ZNF385D: variants seen among roughly 807,000 people sequenced by gnomAD.
ZNF385D encodes the protein zinc finger protein 385D, also known as zinc finger protein 659.
Under a neutral mutation model 35.8 loss-of-function variants are expected in ZNF385D, and 15 were observed. The ratio of observed to expected loss-of-function variants is 0.42; its 90% CI spans 0.28 to 0.64. ZNF385D has a LOEUF of 0.64. Among genes scored for constraint, ZNF385D ranks in the 30% least tolerant of loss-of-function variants. The pLI, the probability that ZNF385D is intolerant of heterozygous loss-of-function variation, is 0.23. For missense variants in ZNF385D, 474 were observed against 494.6 expected (o/e 0.96, Z 0.39); for synonymous variants, 212 against 186.8 (o/e 1.13, Z -1.10).
intron 3 of ZNF385D, among the ~76,000 whole-genome samples, chr3:21,881,680 C>G (rs1575829816): frequency 1.3e-5 from 2 of 152,024 alleles, no homozygotes; most frequent in East Asian, 1.9e-4. Context: ...TTTCACAAGG[C>G]TATAGTTGCC....
intron 2 of ZNF385D, among the ~76,000 whole-genome samples, chr3:21,583,902 T>C (rs2063735777): frequency 6.6e-6 from 1 of 150,748 alleles, no homozygotes; most frequent in Admixed American, 6.6e-5. Context: ...CTTCTTCAGT[T>C]TCCAATTCTC....
chr3:21,716,076 C>G (rs1032347901), intron 1 of ZNF385D, among the ~76,000 whole-genome samples: 1 of 152,122 alleles, frequency 6.6e-6, no homozygotes, highest in Non-Finnish European at 1.5e-5. Flanking sequence ...ATACCCCACA[C>G]CCAACCCCTC....
At chr3:22,206,258 A>C (rs556692452) in intron 2 of ZNF385D, among the ~76,000 whole-genome samples, 1 of 152,112 alleles carries the variant, frequency 6.6e-6, no homozygotes, top group South Asian at 2.1e-4. Flanking sequence ...TGCATCCAAC[A>C]CTGGAACACC....
chr3:22,299,917 C>G (rs1187609330), intron 2 of ZNF385D, among the ~76,000 whole-genome samples: 1 of 151,842 alleles, frequency 6.6e-6, no homozygotes, highest in South Asian at 2.1e-4. Flanking sequence ...TAATGCAATA[C>G]TTATCAAAAT....
chr3:21,676,248 T>C (rs1441780960), intron 1 of ZNF385D, among the ~76,000 whole-genome samples: 1 of 152,128 alleles, frequency 6.6e-6, no homozygotes, highest in Non-Finnish European at 1.5e-5. Flanking sequence ...TTGGTGAACA[T>C]TCTTACAAAC....
chr3:21,627,495 T>C lies in ZNF385D; in HGVS notation c.165+37391A>G, dbSNP rs566223911. ...GAAAAAAGATGCTGTGAAAATCAGGTCTATTAATCAGATCAAGTGTCTATT... is the reference window on the plus strand; with the variant it reads ...GAAAAAAGATGCTGTGAAAATCAGGCCTATTAATCAGATCAAGTGTCTATT... On this transcript the variant is annotated intron_variant, in intron 2 of 7. Transcript: ENST00000281523. Among the ~76,000 whole-genome samples the C allele has an allele frequency of 1.7e-4, 26 of 152,138 alleles. No individual in the cohort carries two copies. In the South Asian group the frequency reaches 5.4e-3, roughly 32 times the overall value.
chr3:22,001,651 A>T (rs1170063132), intron 3 of ZNF385D, among the ~76,000 whole-genome samples: 1 of 152,136 alleles, frequency 6.6e-6, no homozygotes. Flanking sequence ...AGAACATTTC[A>T]TCCAGCAGCT....
chr3:21,566,165 A>G (rs559204968), intron 2 of ZNF385D, among the ~76,000 whole-genome samples: 1 of 152,334 alleles, frequency 6.6e-6, no homozygotes, highest in Non-Finnish European at 1.5e-5. Flanking sequence ...TCACTGGACC[A>G]GGTGATTTAC....
chr3:21,974,624 T>A (rs540021500), intron 3 of ZNF385D, among the ~76,000 whole-genome samples: 1 of 151,882 alleles, frequency 6.6e-6, no homozygotes, highest in African/African-American at 2.4e-5. Flanking sequence ...AATCAACAAA[T>A]TGAAGAAACA....
chr3:21,665,210 G>A (rs1399904160), intron 1 of ZNF385D, among the ~76,000 whole-genome samples, 182 bp from the exon 2 acceptor site: 1 of 152,210 alleles, frequency 6.6e-6, no homozygotes, highest in Non-Finnish European at 1.5e-5. Context: ...GAGGGAGCTA[G>A]TTGAACTGCT....
At chr3:22,337,191 G>A (rs1463482176) in intron 2 of ZNF385D, among the ~76,000 whole-genome samples, 7 of 151,578 alleles carry the variant, frequency 4.6e-5, no homozygotes, top group Admixed American at 4.6e-4. Context: ...AATGTGCTAT[G>A]CTCATTATAA....
intron 2 of ZNF385D, among the ~76,000 whole-genome samples, chr3:22,205,587 A>C (rs1358722624): frequency 6.6e-6 from 1 of 151,992 alleles, no homozygotes; most frequent in Admixed American, 6.6e-5. Context: ...AATAACAAAA[A>C]GTTAAAAAGC....
chr3:21,559,318 A>C (rs1575178318), intron 3 of ZNF385D, among the ~76,000 whole-genome samples: 1 of 151,976 alleles, frequency 6.6e-6, no homozygotes, highest in Non-Finnish European at 1.5e-5. Flanking sequence ...TTACCTTTCC[A>C]TATTTAGTGC....
At chr3:22,356,305 G>C (rs1463900231) in intron 2 of ZNF385D, among the ~76,000 whole-genome samples, 2 of 151,794 alleles carry the variant, frequency 1.3e-5, no homozygotes, top group South Asian at 2.1e-4. Flanking sequence ...TATTTCAATG[G>C]GTATGGTATG....
chr3:21,967,489 C>T (rs1483789769), intron 3 of ZNF385D, among the ~76,000 whole-genome samples: 1 of 152,138 alleles, frequency 6.6e-6, no homozygotes, highest in Non-Finnish European at 1.5e-5. Flanking sequence ...CAATGGATCT[C>T]AAATCACTAC....
At chr3:21,713,837 T>A (rs181860507) in intron 1 of ZNF385D, among the ~76,000 whole-genome samples, 1 of 152,152 alleles carries the variant, frequency 6.6e-6, no homozygotes, top group Non-Finnish European at 1.5e-5. Context: ...GTTTCAAACA[T>A]CCTATTCTTC....
chr3:22,279,997 T>C (rs778789294), intron 2 of ZNF385D, among the ~76,000 whole-genome samples: 5 of 152,122 alleles, frequency 3.3e-5, no homozygotes, highest in African/African-American at 4.8e-5. Context: ...TAAGGTTGTA[T>C]TGCCTTGTGG....
intron 1 of ZNF385D, among the ~76,000 whole-genome samples, chr3:21,695,820 T>TGCTTTTTAAAAG (rs1288442142): frequency 2.6e-5 from 4 of 151,872 alleles, no homozygotes; most frequent in Non-Finnish European, 4.4e-5. Flanking sequence ...CATTCCCTTG[T>TGCTTTTTAAAAG]CATTTTAATT....
At chr3:21,604,932 A>G (rs2064431494) in intron 2 of ZNF385D, among the ~76,000 whole-genome samples, 1 of 152,232 alleles carries the variant, frequency 6.6e-6, no homozygotes, top group Non-Finnish European at 1.5e-5. Context: ...TTGTGGACAA[A>G]GAGGAGCCAG....
Sources: gnomAD v4.1 joint callset for allele counts (sites outside exome capture counted in the v4.1 genomes callset) on GRCh38, gnomAD v4.1.1 for gene constraint, MANE v1.5 for transcripts, NCBI Gene and HGNC (gene_info 2026-07-23, HGNC 2026-07-21) for gene names.